TENM3: variants seen among roughly 807,000 people sequenced by gnomAD.
TENM3 encodes teneurin transmembrane protein 3.
TENM3 carries 63 observed loss-of-function variants against 255.1 expected under a neutral mutation model. The ratio of observed to expected loss-of-function variants is 0.25; its 90% CI spans 0.20 to 0.30. The LOEUF (loss-of-function observed/expected upper bound fraction) is 0.30, where lower values mean the gene tolerates loss of function less well. Among genes scored for constraint, TENM3 ranks in the 10% least tolerant of loss-of-function variants. TENM3 has a pLI of 1.00. For synonymous variants in TENM3, 1,306 were observed against 1,322.3 expected, an observed-to-expected ratio of 0.99 and a Z score of 0.27; for missense variants, 2,929 against 3,461.1, an observed-to-expected ratio of 0.85 and a Z score of 3.86.
chr4:181,612,496 G>A, the TENM3 span, among the ~76,000 whole-genome samples: 1 of 149,168 alleles, frequency 6.7e-6, no homozygotes, highest in Non-Finnish European at 1.5e-5. Context: ...TAAGATGTGT[G>A]TGTGTGTGTG....
the TENM3 span, among the ~76,000 whole-genome samples, chr4:182,116,660 T>C: frequency 6.6e-6 from 1 of 152,218 alleles, no homozygotes; most frequent in Non-Finnish European, 1.5e-5. Flanking sequence ...CTTTGTAAAT[T>C]ACCCAGTCTC....
chr4:182,171,782 A>G (rs1752125003), intron 1 of TENM3, among the ~76,000 whole-genome samples: 1 of 152,216 alleles, frequency 6.6e-6, no homozygotes, highest in Non-Finnish European at 1.5e-5. Flanking sequence ...GTCTTACTAA[A>G]AGTGGCTAAG....
At chr4:181,464,247 G>A in the TENM3 span, among the ~76,000 whole-genome samples, 1 of 152,136 alleles carries the variant, frequency 6.6e-6, no homozygotes, top group African/African-American at 2.4e-5. Context: ...CAAAGTAGCC[G>A]TGTTATTTTA....
chr4:182,618,622 T>TAAA (rs199546448), intron 4 of TENM3, among the ~76,000 whole-genome samples: 1 of 144,392 alleles, frequency 6.9e-6, no homozygotes, highest in African/African-American at 2.6e-5. Context: ...ACATGGGGTT[T>TAAA]AAAAAAAAAA....
At chr4:182,460,346 T>C (rs1774240005) in intron 3 of TENM3, among the ~76,000 whole-genome samples, 1 of 152,202 alleles carries the variant, frequency 6.6e-6, no homozygotes, top group Non-Finnish European at 1.5e-5. Context: ...AGCCATAATC[T>C]GATAACATGA....
At chr4:181,780,435 C>T in the TENM3 span, among the ~76,000 whole-genome samples, 1 of 152,148 alleles carries the variant, frequency 6.6e-6, no homozygotes, top group Non-Finnish European at 1.5e-5. Flanking sequence ...TAAATGTCTT[C>T]TTTTAGAAGT....
the TENM3 span, among the ~76,000 whole-genome samples, chr4:181,461,407 G>A: frequency 6.6e-6 from 1 of 151,972 alleles, no homozygotes; most frequent in African/African-American, 2.4e-5. Context: ...TTTGATGTGA[G>A]GGATTATGAT....
the TENM3 span, among the ~76,000 whole-genome samples, chr4:182,003,829 A>C: frequency 6.6e-6 from 1 of 152,124 alleles, no homozygotes; most frequent in African/African-American, 2.4e-5. Flanking sequence ...TGAATTTGAA[A>C]AATATTTCCC....
chr4:182,361,277 AT>A lies in TENM3; in HGVS notation c.511+14350del, dbSNP rs548308193. ...AATCTGAATGTTCCTGCCTTGCTAG[AT>A]TGGGGAAGTTCTCCTGGATAATGTC... On this transcript the variant is annotated intron_variant, in intron 3 of 27. Transcript: ENST00000511685. Among the ~76,000 whole-genome samples, 886 of 152,118 alleles carry A rather than the reference AT, an allele frequency of 5.8e-3. 11 individuals are homozygous for A. Among genetic ancestry groups the A allele is most frequent in the African/African-American group, 0.02 (841 of 41,498 alleles).
At chr4:182,006,996 A>T in the TENM3 span, among the ~76,000 whole-genome samples, 22 of 152,302 alleles carry the variant, frequency 1.4e-4, no homozygotes, top group African/African-American at 5.1e-4. Context: ...CCCAGGAGTC[A>T]TTCAGGAGCA....
chr4:181,964,694 C>T, the TENM3 span, among the ~76,000 whole-genome samples: 11 of 152,066 alleles, frequency 7.2e-5, no homozygotes, highest in Admixed American at 3.3e-4. Context: ...GCATGCACTG[C>T]TGAATATCAT....
chr4:182,195,208 G>T (rs1201983098), intron 1 of TENM3, among the ~76,000 whole-genome samples: 1 of 152,140 alleles, frequency 6.6e-6, no homozygotes, highest in Non-Finnish European at 1.5e-5. Context: ...CTCTTAGAGA[G>T]ATTTGATTTG....
the TENM3 span, among the ~76,000 whole-genome samples, chr4:181,880,728 A>C: frequency 6.6e-6 from 1 of 152,172 alleles, no homozygotes; most frequent in Non-Finnish European, 1.5e-5. Flanking sequence ...ACAGATGAGA[A>C]AAAAATATAT....
intron 6 of TENM3, among the ~76,000 whole-genome samples, chr4:182,654,696 T>A (rs539868326): frequency 2.6e-4 from 39 of 152,312 alleles, no homozygotes; most frequent in African/African-American, 9.1e-4. Flanking sequence ...GTTTCTTGTC[T>A]AGTATATTGG....
intron 3 of TENM3, among the ~76,000 whole-genome samples, chr4:182,450,900 G>C (rs963935657): frequency 4.6e-5 from 7 of 152,182 alleles, no homozygotes; most frequent in African/African-American, 1.7e-4. Flanking sequence ...AACAATGACA[G>C]TTGACATCAG....
chr4:182,212,796 G>A (rs1355737707), intron 1 of TENM3, among the ~76,000 whole-genome samples: 2 of 152,296 alleles, frequency 1.3e-5, no homozygotes, highest in East Asian at 3.9e-4. Context: ...AAGATAGAAC[G>A]AGTGGTGCAA....
At chr4:181,930,312 C>G in the TENM3 span, among the ~76,000 whole-genome samples, 1 of 152,020 alleles carries the variant, frequency 6.6e-6, no homozygotes, top group East Asian at 1.9e-4. Context: ...CAAACAGACA[C>G]AATAAAAAAT....
the TENM3 span, among the ~76,000 whole-genome samples, chr4:181,781,235 T>C: frequency 6.6e-6 from 1 of 152,214 alleles, no homozygotes; most frequent in African/African-American, 2.4e-5. Context: ...TTCACAACAT[T>C]GATTCTTCCT....
intron 18 of TENM3, among the ~76,000 whole-genome samples, chr4:182,739,004 G>C (rs1428149846): frequency 6.6e-6 from 1 of 151,770 alleles, no homozygotes; most frequent in Non-Finnish European, 1.5e-5. Context: ...ATTTTTAGTA[G>C]ATTTTAATTC....
Sources: gnomAD v4.1 joint callset for allele counts (sites outside exome capture counted in the v4.1 genomes callset) on GRCh38, gnomAD v4.1.1 for gene constraint, MANE v1.5 for transcripts, NCBI Gene and HGNC (gene_info 2026-07-23, HGNC 2026-07-21) for gene names.